The following SP140 variants were observed in gnomAD, a reference collection of about 807,000 sequenced individuals.
The protein encoded by SP140 is SP140 nuclear body protein.
SP140 carries 81 observed loss-of-function variants against 125.0 expected under a neutral mutation model. That is an observed-to-expected ratio of 0.65 (90% confidence interval 0.54 to 0.78). The LOEUF is 0.78. SP140 is among the 30% of genes least tolerant of loss of function. The pLI is 0.00. For synonymous variants in SP140, 312 were observed against 354.0 expected, an observed-to-expected ratio of 0.88 and a Z score of 1.33; for missense variants, 858 against 1,037.0, an observed-to-expected ratio of 0.83 and a Z score of 2.37.
chr2:230,310,858 C>G lies in SP140; in HGVS notation c.2283+7C>G. 1.7e-6 allele frequency: 2 copies of G among 1,164,590 alleles called. No individual in the cohort carries two copies. Among genetic ancestry groups the G allele is most frequent in the Non-Finnish European group, 2.4e-6 (2 of 827,146 alleles). 72.1% of individuals were successfully genotyped at this position (1,164,590 alleles called of 1,614,324 possible). ...GTGTCCTGAGGAACAGTTGGTAAAT[C>G]AGATGCAAACCCCAAGCCTTCTCCT... On this transcript the variant is annotated splice_region_variant and intron_variant, in intron 24 of 26. Coordinates refer to ENST00000392045, the MANE Select transcript of SP140 (RefSeq NM_007237.5).
At chr2:230,264,789 A>G (rs1369790885) in intron 12 of SP140, among the ~76,000 whole-genome samples, 1 of 152,102 alleles carries the variant, frequency 6.6e-6, no homozygotes, top group East Asian at 1.9e-4. Flanking sequence ...CCAGGCTGGT[A>G]CTCGGGGTTG....
intron 3 of SP140, chr2:230,219,865 G>T: frequency 1.0e-6 from 1 of 965,460 alleles, no homozygotes; most frequent in Non-Finnish European, 1.2e-6. Flanking sequence ...AGCAAAGACA[G>T]AAACTCACCT....
chr2:230,217,489 A>G (rs1009135174), intron 3 of SP140, among the ~76,000 whole-genome samples: 2 of 152,182 alleles, frequency 1.3e-5, no homozygotes, highest in Admixed American at 6.5e-5. Context: ...GGTAAACATA[A>G]GGAAGGTATT....
Position 230,212,039 on chromosome 2 carries a change from G to A in SP140, c.-322-1615G>A, listed in dbSNP as rs375620024. ...AGTAATTTTGATAACATTGTTCTTA[G>A]AATCCAAACCATATAAAAATGAAGA... On this transcript the variant is annotated intron_variant, in intron 1 of 4. Coordinates refer to the SP140 transcript ENST00000456542. 4.5e-4 allele frequency among the ~76,000 whole-genome samples: 69 copies of A among 152,204 alleles called. 1 individual carries two copies. Among genetic ancestry groups the A allele is most frequent in the African/African-American group, 1.5e-3 (63 of 41,534 alleles).
chr2:230,301,205 T>C (rs1264258220), intron 22 of SP140, among the ~76,000 whole-genome samples: 1 of 152,194 alleles, frequency 6.6e-6, no homozygotes, highest in African/African-American at 2.4e-5. Flanking sequence ...ATCTAAAAGT[T>C]TGGAAAACAT....
At chr2:230,315,185 G>T (rs564651770), downstream of SP140, among the ~76,000 whole-genome samples, 2 of 152,326 alleles carry the variant, frequency 1.3e-5, no homozygotes, top group African/African-American at 4.8e-5. Flanking sequence ...CCCTTGCCCA[G>T]CTTCCAAACC....
intron 1 of SP140, chr2:230,208,076 A>C (rs756582035): frequency 7.3e-7 from 1 of 1,364,526 alleles, no homozygotes; most frequent in Admixed American, 1.7e-5. Flanking sequence ...AGAAAGGATA[A>C]TGTTTTATAG....
At chr2:230,200,745 A>T, upstream of SP140, 1 of 716,716 alleles carries the variant, frequency 1.4e-6, no homozygotes, top group Non-Finnish European at 2.5e-6. Flanking sequence ...GGTCTTGATT[A>T]AGAAAAAAAA....
chr2:230,258,686 A>G (rs2051670869), intron 12 of SP140, among the ~76,000 whole-genome samples: 1 of 152,236 alleles, frequency 6.6e-6, no homozygotes, highest in African/African-American at 2.4e-5. Flanking sequence ...GCTTTCCCAC[A>G]TGTGCTGTTA....
chr2:230,196,485 A>C, the SP140 span, among the ~76,000 whole-genome samples: 1 of 152,102 alleles, frequency 6.6e-6, no homozygotes, highest in Non-Finnish European at 1.5e-5. Context: ...ACAAAAATAA[A>C]GTGGGGGAAG....
intron 18 of SP140, among the ~76,000 whole-genome samples, chr2:230,289,410 G>A (rs960898771): frequency 5.3e-5 from 8 of 152,098 alleles, no homozygotes; most frequent in African/African-American, 1.7e-4. Context: ...TCATTCTGTA[G>A]GTAGGCCAAC....
the SP140 span, among the ~76,000 whole-genome samples, chr2:230,197,400 T>C: frequency 6.6e-6 from 1 of 151,684 alleles, no homozygotes; most frequent in Non-Finnish European, 1.5e-5. Flanking sequence ...GTTTGTTTTT[T>C]TCTTGTAAAT....
intron 3 of SP140, chr2:230,216,705 T>G: frequency 1.9e-6 from 3 of 1,562,880 alleles, no homozygotes; most frequent in Non-Finnish European, 2.6e-6. Context: ...GCCCTGGTGG[T>G]TTGTGGTTTG....
intron 21 of SP140, 134 bp downstream of exon 21, chr2:230,294,452 C>T: frequency 1.6e-6 from 1 of 643,426 alleles, no homozygotes; most frequent in South Asian, 2.1e-5. Context: ...CCTTAAAATA[C>T]TTTTTGCATG....
chr2:230,288,501 CT>C (rs1178534983), intron 18 of SP140, among the ~76,000 whole-genome samples: 2 of 119,156 alleles, frequency 1.7e-5, no homozygotes, highest in African/African-American at 3.2e-5. Context: ...TTCTTTCTTT[CT>C]TTCTTTCTTT....
intron 15 of SP140, among the ~76,000 whole-genome samples, chr2:230,275,854 A>G (rs2054636500): frequency 6.6e-6 from 1 of 152,174 alleles, no homozygotes; most frequent in Non-Finnish European, 1.5e-5. Flanking sequence ...GCTGATATGG[A>G]GAAAGTATGA....
intron 3 of SP140, among the ~76,000 whole-genome samples, chr2:230,239,411 A>G (rs1205596947): frequency 1.3e-5 from 2 of 152,050 alleles, no homozygotes. Flanking sequence ...GTTAAATTGT[A>G]TTTTTCATTT....
intron 11 of SP140, among the ~76,000 whole-genome samples, chr2:230,255,116 G>C (rs980465782): frequency 6.6e-6 from 1 of 152,126 alleles, no homozygotes; most frequent in Non-Finnish European, 1.5e-5. Context: ...GGGCAGAAAC[G>C]CATGGAAACA....
chr2:230,204,703 A>G (rs1337483834), intron 1 of SP140, among the ~76,000 whole-genome samples: 1 of 152,158 alleles, frequency 6.6e-6, no homozygotes. Flanking sequence ...ACAATAGAGT[A>G]TTTGGAACCT....
Sources: gnomAD v4.1 joint callset for allele counts (sites outside exome capture counted in the v4.1 genomes callset) on GRCh38, gnomAD v4.1.1 for gene constraint, MANE v1.5 for transcripts, NCBI Gene and HGNC (gene_info 2026-07-23, HGNC 2026-07-21) for gene names.